MTUS2: variants seen among roughly 807,000 people sequenced by gnomAD.
The protein encoded by MTUS2 is microtubule associated scaffold protein 2, also known as microtubule-associated tumor suppressor candidate 2.
Under a neutral mutation model 114.1 loss-of-function variants are expected in MTUS2, and 40 were observed. The ratio of observed to expected loss-of-function variants is 0.35; its 90% CI spans 0.27 to 0.46. The LOEUF (loss-of-function observed/expected upper bound fraction) is 0.46. MTUS2 is among the 20% of genes least tolerant of loss of function. The pLI is 1.00. For missense variants in MTUS2, 1,679 were observed against 1,705.4 expected, an observed-to-expected ratio of 0.98 and a Z score of 0.27; for synonymous variants, 688 against 672.0, an observed-to-expected ratio of 1.02 and a Z score of -0.37.
chr13:29,401,669 G>C (rs913293449), intron 8 of MTUS2, among the ~76,000 whole-genome samples: 2 of 152,156 alleles, frequency 1.3e-5, no homozygotes, highest in Non-Finnish European at 2.9e-5. Flanking sequence ...AATATGAACG[G>C]TTCTGTTTCT....
At chr13:29,131,092 A>G (rs1190013321) in intron 5 of MTUS2, among the ~76,000 whole-genome samples, 2 of 152,244 alleles carry the variant, frequency 1.3e-5, no homozygotes, top group Admixed American at 1.3e-4. Flanking sequence ...AGAAGATTCA[A>G]TGGGTCAATT....
intron 9 of MTUS2, among the ~76,000 whole-genome samples, chr13:29,475,853 C>A: frequency 6.6e-6 from 1 of 152,084 alleles, no homozygotes. Context: ...TTATCTTGAG[C>A]ACAGAAAAAT....
At chr13:29,232,304 GCGCA>G (rs1896360043) in intron 5 of MTUS2, among the ~76,000 whole-genome samples, 1 of 49,906 alleles carries the variant, frequency 2.0e-5, no homozygotes, top group African/African-American at 7.9e-5. Flanking sequence ...ACACGCGCGC[GCGCA>G]CACACACACA....
chr13:29,505,245 A>G lies in MTUS2; in HGVS notation c.*2039A>G, dbSNP rs1883154983. On this transcript the variant is annotated 3_prime_UTR_variant, in exon 16 of 16. Transcript: ENST00000612955. ...GCTGTCCGAATTAGGAACCGCTTAC[A>G]TAGCCGCACCTGCTAAATGCAGTTA... 1 of 231,820 alleles carries G rather than the reference A, an allele frequency of 4.3e-6. No individual in the cohort carries two copies. The allele number at this position is 231,820 out of a possible 1,614,324, so 14.4% of individuals were successfully genotyped here. A position where few individuals can be genotyped will look rare whatever the true frequency, so the allele number is the denominator to read the frequency against.
At chr13:29,488,954 C>T (rs918115910) in intron 11 of MTUS2, among the ~76,000 whole-genome samples, 4 of 152,198 alleles carry the variant, frequency 2.6e-5, no homozygotes, top group Non-Finnish European at 4.4e-5. Flanking sequence ...AACTTTCTCT[C>T]GCTTTACTTT....
At chr13:29,050,633 G>C (rs1887850653) in intron 4 of MTUS2, among the ~76,000 whole-genome samples, 1 of 152,198 alleles carries the variant, frequency 6.6e-6, no homozygotes, top group South Asian at 2.1e-4. Context: ...AGTGAACACA[G>C]GGTAACTGCC....
Position 29,025,366 on chromosome 13 carries a change from A to T in MTUS2, c.668A>T (p.His223Leu). 1 of 1,613,872 alleles carries T rather than the reference A, an allele frequency of 6.2e-7. No individual in the cohort carries two copies. The change falls in exon 3 of 16, where the codon CAC becomes CTC. Residue 223 changes from histidine to leucine, a missense_variant. His to Leu is a moderately conservative substitution (Grantham distance 99). Coordinates refer to ENST00000612955, the MANE Select transcript of MTUS2 (RefSeq NM_001033602.4). ...GGGCCACAGAAGACATTGCCAGACC[A>T]CGCTGTCCCGGCAGCTTTCCCTGCA... is the stretch of plus-strand genomic sequence containing the variant. ...GEGPQKTLPDHAVPAAFPATD... is the reference protein window; with the variant it reads ...GEGPQKTLPDLAVPAAFPATD...
intron 2 of MTUS2, among the ~76,000 whole-genome samples, chr13:28,878,540 T>A (rs1878098997): frequency 6.6e-6 from 1 of 152,308 alleles, no homozygotes; most frequent in Non-Finnish European, 1.5e-5. Flanking sequence ...TGTGTCCATG[T>A]GTTCTCCTTG....
At chr13:29,090,688 CAG>C (rs1184414914) in intron 4 of MTUS2, among the ~76,000 whole-genome samples, 3 of 152,224 alleles carry the variant, frequency 2.0e-5, no homozygotes, top group African/African-American at 7.2e-5. Context: ...GGCCAGCAGA[CAG>C]GGGATGCCCA....
At chr13:29,044,770 T>C (rs1887538843) in intron 4 of MTUS2, among the ~76,000 whole-genome samples, 2 of 152,212 alleles carry the variant, frequency 1.3e-5, no homozygotes, top group Admixed American at 1.3e-4. Context: ...TTAACTTGAA[T>C]TCTCTGCTCA....
At chr13:29,047,583 G>A (rs1593419399) in intron 4 of MTUS2, among the ~76,000 whole-genome samples, 1 of 149,772 alleles carries the variant, frequency 6.7e-6, no homozygotes, top group East Asian at 2.0e-4. Flanking sequence ...GCGCAATCTC[G>A]GCTCACTGCA....
At chr13:28,921,205 C>G (rs978340496) in intron 2 of MTUS2, among the ~76,000 whole-genome samples, 4 of 152,206 alleles carry the variant, frequency 2.6e-5, no homozygotes, top group African/African-American at 9.7e-5. Context: ...GGCCTATCAC[C>G]TGGGTATGGC....
chr13:29,202,135 G>A lies in MTUS2; in HGVS notation c.2645-79569G>A, dbSNP rs1311981117. ...GTTCCATTCTCCCCATCACTTTCAGGTACACCAATCAAACATTGGTTTGGT... is the reference window on the plus strand; with the variant it reads ...GTTCCATTCTCCCCATCACTTTCAGATACACCAATCAAACATTGGTTTGGT... On this transcript the variant is annotated intron_variant, in intron 5 of 15. Transcript: ENST00000612955. Among the ~76,000 whole-genome samples, 4 of 151,798 alleles carry A rather than the reference G, an allele frequency of 2.6e-5. No individual in the cohort carries two copies. In the East Asian group the frequency reaches 5.8e-4, roughly 22 times the overall value.
chr13:29,100,220 A>G (rs1352873279), intron 4 of MTUS2, among the ~76,000 whole-genome samples: 3 of 152,210 alleles, frequency 2.0e-5, no homozygotes, highest in African/African-American at 7.2e-5. Context: ...GAGAGCTGAT[A>G]TTCCAGCCTG....
chr13:29,243,372 G>A (rs1007080599), intron 5 of MTUS2, among the ~76,000 whole-genome samples: 2 of 152,150 alleles, frequency 1.3e-5, no homozygotes, highest in Non-Finnish European at 2.9e-5. Context: ...AGACAGATGA[G>A]GCAAGGAAAG....
intron 9 of MTUS2, among the ~76,000 whole-genome samples, chr13:29,467,938 A>G (rs1880003918): frequency 6.6e-6 from 1 of 151,990 alleles, no homozygotes; most frequent in Non-Finnish European, 1.5e-5. Flanking sequence ...AACACTGAGA[A>G]ACCCTGTCTC....
At chr13:29,369,010 T>G (rs1018583978) in intron 8 of MTUS2, among the ~76,000 whole-genome samples, 4 of 152,056 alleles carry the variant, frequency 2.6e-5, no homozygotes, top group African/African-American at 9.7e-5. Flanking sequence ...GAATCCCACC[T>G]CTCAGAAGCC....
chr13:29,498,520 C>A lies in MTUS2; in HGVS notation c.3781C>A (p.Leu1261Ile), dbSNP rs1348986538. Residue 1261 changes from leucine to isoleucine, a missense_variant, in exon 14 of 16, where the codon CTT (leucine) becomes ATT (isoleucine). This residue lies in a region of MTUS2 where 822 missense variants were observed against 899.7 expected (regional missense o/e 0.91). Transcript: ENST00000612955. Reference sequence around the variant, plus strand: ...AATACACGAGCAAGAAAAGAAGATTCTTGAGCTGGAAAAGCTGGTGAGTTG... The same window carrying A: ...AATACACGAGCAAGAAAAGAAGATTATTGAGCTGGAAAAGCTGGTGAGTTG... ...QQIHEQEKKI[L>I]ELEKLAEKNI... 6.2e-7 allele frequency: 1 copy of A among 1,614,108 alleles called. No homozygotes were observed. Among genetic ancestry groups the A allele is most frequent in the Admixed American group, 1.7e-5 (1 of 60,026 alleles).
At chr13:29,226,049 G>T (rs74652168) in intron 5 of MTUS2, among the ~76,000 whole-genome samples, 1 of 152,074 alleles carries the variant, frequency 6.6e-6, no homozygotes, top group African/African-American at 2.4e-5. Flanking sequence ...AGTGCTGGCC[G>T]TACTTTCTAG....
Sources: allele counts gnomAD v4.1 joint callset (sites outside exome capture counted in the v4.1 genomes callset), GRCh38; gene constraint gnomAD v4.1.1; regional missense constraint gnomAD v4.1.1; transcripts MANE v1.5; gene names NCBI Gene and HGNC (gene_info 2026-07-23, HGNC 2026-07-21).